Variants in ABHD6 observed in about 807,000 individuals in gnomAD.
ABHD6 encodes monoacylglycerol lipase ABHD6.
A neutral mutation model predicts 38.8 loss-of-function variants in ABHD6; 33 were observed. That is an observed-to-expected ratio of 0.85 (90% CI 0.64 to 1.14). ABHD6 has a LOEUF of 1.14. ABHD6 is among the 50% of genes most tolerant of loss of function. ABHD6 has a pLI of 0.00. For missense variants in ABHD6, 380 were observed against 422.6 expected (o/e 0.90, Z 0.88); for synonymous variants, 147 against 161.6 (o/e 0.91, Z 0.69).
chr3:58,269,173 A>G lies in ABHD6; in HGVS notation c.277-148A>G, dbSNP rs2097443005. The G allele has an allele frequency of 1.7e-6, 1 of 594,832 alleles. No individual in the cohort carries two copies. Among genetic ancestry groups the G allele is most frequent in the African/African-American group, 1.8e-5 (1 of 54,080 alleles). 36.8% of individuals were successfully genotyped at this position (594,832 alleles called of 1,614,324 possible). On this transcript the variant is annotated intron_variant, in intron 4 of 9. Coordinates refer to ENST00000478253, the MANE Select transcript of ABHD6 (RefSeq NM_001320126.2). The surrounding 1 kb of genome is among the most constrained non-coding windows in gnomAD (Gnocchi z 4.4). ...TGAGGCTACTGGCAATGCTTATTCA[A>G]TTACTGGGGTAAAACACTGAGTGGC... is the stretch of plus-strand genomic sequence containing the variant.
rs930358936 is a variant in ABHD6 at position 58,265,780 on chromosome 3, C to T, written c.120-1409C>T. Among the ~76,000 whole-genome samples, 1 of 152,156 alleles carries T rather than the reference C, an allele frequency of 6.6e-6. No homozygotes were observed. The highest frequency in any genetic ancestry group is 1.9e-4 in the East Asian group (1 of 5,198). ...CAAGGGCCTTCCTGCTGTGTCATCC[C>T]GTGGTGGAAGGTAGAAGGACAAGAG... On this transcript the variant is annotated intron_variant, in intron 3 of 9. Coordinates refer to ENST00000478253, the MANE Select transcript of ABHD6 (RefSeq NM_001320126.2). The surrounding 1 kb of genome is among the most constrained non-coding windows in gnomAD (Gnocchi z 4.2).
rs534006218 is a variant in ABHD6, at chr3:58,263,251, G to C, written c.120-3938G>C. 6.6e-6 allele frequency among the ~76,000 whole-genome samples: 1 copy of C among 151,934 alleles called. No homozygotes were observed. On this transcript the variant is annotated intron_variant, in intron 3 of 9. Transcript: ENST00000478253. The surrounding 1 kb of genome is among the most constrained non-coding windows in gnomAD (Gnocchi z 4.9). ...AAACAAAAACAAAAATTAGCCGAGC[G>C]TGGTGGCACACACCTGTAATCCCAG...
intron 1 of ABHD6, among the ~76,000 whole-genome samples, chr3:58,239,978 C>T (rs1183355224): frequency 1.4e-5 from 2 of 146,036 alleles, no homozygotes; most frequent in African/African-American, 5.1e-5. Flanking sequence ...GGTGAAACCC[C>T]ATCTCTACCA....
intron 1 of ABHD6, among the ~76,000 whole-genome samples, chr3:58,240,467 A>G (rs186837946): frequency 3.3e-5 from 5 of 152,308 alleles, no homozygotes; most frequent in African/African-American, 1.2e-4. Context: ...AAAAGAGGCA[A>G]GACATCCCCA....
In ABHD6 at chr3:58,259,899, A is replaced by G. The variant is rs544027874; in HGVS notation, c.119+3194A>G. Among the ~76,000 whole-genome samples the G allele has an allele frequency of 4.6e-5, 7 of 152,016 alleles. No homozygotes were observed. Among genetic ancestry groups the G allele is most frequent in the Non-Finnish European group, 8.8e-5 (6 of 68,014 alleles). ...ACTCATCTACTTCCTGTCTTTTTAGATGTGCCCATTACGGACATTTCACGT... is the reference window on the plus strand; with the variant it reads ...ACTCATCTACTTCCTGTCTTTTTAGGTGTGCCCATTACGGACATTTCACGT... On this transcript the variant is annotated intron_variant, in intron 3 of 9. Coordinates refer to ENST00000478253, the MANE Select transcript of ABHD6 (RefSeq NM_001320126.2). This position sits in a 1 kb window ranked among gnomAD's most constrained non-coding sequence, Gnocchi z 4.7.
At chr3:58,268,679 T>G (rs1327916890) in intron 4 of ABHD6, among the ~76,000 whole-genome samples, 2 of 151,852 alleles carry the variant, frequency 1.3e-5, no homozygotes, top group Non-Finnish European at 2.9e-5. Context: ...CATGCCTTGA[T>G]GAACTTCCTG....
In ABHD6 at chr3:58,256,640, C is replaced by G. The variant is rs774879191; in HGVS notation, c.54C>G (p.Ile18Met). Residue 18 changes from isoleucine (I) to methionine (M), a missense_variant, in exon 3 of 10, where the codon ATC (isoleucine) becomes ATG (methionine). Physicochemically the swap from Ile to Met is conservative, Grantham distance 10. Transcript: ENST00000478253. The surrounding 1 kb of genome is among the most constrained non-coding windows in gnomAD (Gnocchi z 4.3). ...TGATTGCGGGCGGCACGCTGGCCAT[C>G]CCAATCCTGGCATTTGTGGCTTCAT... ...MFVIAGGTLA[I>M]PILAFVASFL... 20 of 1,613,928 alleles carry G rather than the reference C, an allele frequency of 1.2e-5. No individual in the cohort carries two copies. The highest frequency in any genetic ancestry group is 1.6e-5 in the Non-Finnish European group (19 of 1,180,028).
At chr3:58,239,908 G>T (rs1257272357) in intron 1 of ABHD6, among the ~76,000 whole-genome samples, 8 of 151,680 alleles carry the variant, frequency 5.3e-5, no homozygotes, top group African/African-American at 1.7e-4. Flanking sequence ...CCAGCACTTT[G>T]AGAGGCCAAG....
chr3:58,250,108 T>C (rs1390400687), intron 2 of ABHD6, among the ~76,000 whole-genome samples, 166 bp downstream of exon 2: 1 of 152,082 alleles, frequency 6.6e-6, no homozygotes, highest in African/African-American at 2.4e-5. Flanking sequence ...ACCTGAAGGT[T>C]TTCAAAGCTC....
intron 7 of ABHD6, among the ~76,000 whole-genome samples, chr3:58,283,146 C>T (rs2097454526): frequency 6.6e-6 from 1 of 152,216 alleles, no homozygotes; most frequent in Non-Finnish European, 1.5e-5. Flanking sequence ...TAGATACGGC[C>T]TGTCCCTCAG....
At position 58,256,582 on chromosome 3, in the gene ABHD6, G is replaced by C. The variant is rs369408002; in HGVS notation, c.-5G>C. 6.2e-7 allele frequency: 1 copy of C among 1,608,318 alleles called. No individual in the cohort carries two copies. The highest frequency in any genetic ancestry group is 8.5e-7 in the Non-Finnish European group (1 of 1,175,120). On this transcript the variant is annotated 5_prime_UTR_variant, in exon 3 of 10. Coordinates refer to ENST00000478253, the MANE Select transcript of ABHD6 (RefSeq NM_001320126.2). This position sits in a 1 kb window ranked among gnomAD's most constrained non-coding sequence, Gnocchi z 4.3. Reference sequence around the variant, plus strand: ...TGCAGGAGTCAGCCAGCCTGAAAGAGCAGGATGGATCTTGATGTGGTTAAC... The same window carrying C: ...TGCAGGAGTCAGCCAGCCTGAAAGACCAGGATGGATCTTGATGTGGTTAAC...
chr3:58,244,540 G>A (rs1260691996), intron 1 of ABHD6, among the ~76,000 whole-genome samples: 1 of 152,164 alleles, frequency 6.6e-6, no homozygotes, highest in African/African-American at 2.4e-5. Flanking sequence ...CAAAGCAGGA[G>A]GATTGCTTGA....
In ABHD6 at chr3:58,294,527, T is replaced by C. The variant is rs933733098; in HGVS notation, c.*762T>C. ...ATAATGTTCTAGACATCTGTCTAAG[T>C]AATCAGACTCAGGTTCCACACACAA... On this transcript the variant is annotated 3_prime_UTR_variant, in exon 10 of 10. Transcript: ENST00000478253. 2.0e-5 allele frequency: 3 copies of C among 152,644 alleles called. No homozygotes were observed. Among genetic ancestry groups the C allele is most frequent in the African/African-American group, 7.2e-5 (3 of 41,458 alleles). 9.5% of individuals were successfully genotyped at this position (152,644 alleles called of 1,614,324 possible).
chr3:58,251,178 A>G lies in ABHD6; in HGVS notation c.-26+1236A>G, dbSNP rs1432225074. On this transcript the variant is annotated intron_variant, in intron 2 of 9. Transcript: ENST00000478253. The surrounding 1 kb of genome is among the most constrained non-coding windows in gnomAD (Gnocchi z 5.4). ...CTAAAAAGACAAAAATTAGCTAGGC[A>G]TGGTGGCAGATGCCTGTAATCCCAG... Among the ~76,000 whole-genome samples the G allele has an allele frequency of 2.0e-5, 3 of 152,118 alleles. No individual in the cohort carries two copies. The highest frequency in any genetic ancestry group is 4.4e-5 in the Non-Finnish European group (3 of 68,010).
At chr3:58,289,195 C>T (rs548915317) in intron 9 of ABHD6, among the ~76,000 whole-genome samples, 137 of 152,084 alleles carry the variant, frequency 9.0e-4, no homozygotes, top group African/African-American at 3.1e-3. Flanking sequence ...GCTGGGACTA[C>T]AGGCATGTGC....
intron 2 of ABHD6, among the ~76,000 whole-genome samples, chr3:58,254,709 C>CAG (rs764749090): frequency 2.0e-5 from 3 of 152,112 alleles, no homozygotes; most frequent in East Asian, 1.9e-4. Context: ...GGAATCAAGG[C>CAG]AGAGGGCCAC....
chr3:58,240,005 A>G (rs1012223654), intron 1 of ABHD6, among the ~76,000 whole-genome samples: 1 of 148,830 alleles, frequency 6.7e-6, no homozygotes, highest in Non-Finnish European at 1.5e-5. Flanking sequence ...AAAAAAAATT[A>G]GCTGGGAGTG....
At chr3:58,270,789 A>G (rs929818892) in intron 5 of ABHD6, 143 bp from the exon 6 acceptor site, 1 of 830,426 alleles carries the variant, frequency 1.2e-6, no homozygotes, top group Non-Finnish European at 1.8e-6. Context: ...TCATCTTATA[A>G]TGGATCCAGT....
At chr3:58,280,837 T>A (rs150832088) in intron 7 of ABHD6, among the ~76,000 whole-genome samples, 2,061 of 152,328 alleles carry the variant, frequency 0.014, 56 homozygotes, top group African/African-American at 0.046. Context: ...GTTTTCCTTA[T>A]AACAATCAGG....
Sources: gnomAD v4.1 joint callset for allele counts (sites outside exome capture counted in the v4.1 genomes callset) on GRCh38, gnomAD v4.1.1 for gene constraint, Gnocchi (gnomAD v3.1) non-coding constraint, MANE v1.5 for transcripts, NCBI Gene and HGNC (gene_info 2026-07-23, HGNC 2026-07-21) for gene names.